ANXA8: variants seen among roughly 807,000 people sequenced by gnomAD.
ANXA8 encodes the protein VAC-beta.
ANXA8 carries 9 observed loss-of-function variants against 26.8 expected under a neutral mutation model. The observed-to-expected ratio is 0.34, with a 90% CI of 0.20 to 0.59. ANXA8 has a LOEUF of 0.59. ANXA8 is among the 20% of genes least tolerant of loss of function. The pLI is 0.84. For missense variants in ANXA8, 83 were observed against 238.5 expected (o/e 0.35, Z 4.29); for synonymous variants, 39 against 94.8 (o/e 0.41, Z 3.42).
At chr10:47,958,953 T>C in the ANXA8 span, among the ~76,000 whole-genome samples, 1 of 150,262 alleles carries the variant, frequency 6.7e-6, no homozygotes, top group East Asian at 2.0e-4. Context: ...TAATTCAAGA[T>C]GAGGTTTTGG....
chr10:47,972,960 G>A, the ANXA8 span, among the ~76,000 whole-genome samples: 1 of 149,850 alleles, frequency 6.7e-6, no homozygotes, highest in East Asian at 1.9e-4. Flanking sequence ...GGTGTGGGAT[G>A]TGCTCCTTCC....
At chr10:47,690,253 G>T in the ANXA8 span, 4 of 1,190,164 alleles carry the variant, frequency 3.4e-6, no homozygotes, top group Non-Finnish European at 4.9e-6. Flanking sequence ...TTGGTTTGTA[G>T]TACTGAAAAA....
chr10:47,572,172 G>A, the ANXA8 span, among the ~76,000 whole-genome samples: 6 of 134,988 alleles, frequency 4.4e-5, no homozygotes, highest in African/African-American at 1.8e-4. Flanking sequence ...GGAATGAGTT[G>A]AGGAGTGTTC....
chr10:47,659,894 G>T, the ANXA8 span, among the ~76,000 whole-genome samples: 1 of 151,418 alleles, frequency 6.6e-6, no homozygotes, highest in Non-Finnish European at 1.5e-5. Context: ...GTAGCTGGGA[G>T]TAGAGGTGTG....
At chr10:47,666,691 T>A in the ANXA8 span, among the ~76,000 whole-genome samples, 1 of 151,826 alleles carries the variant, frequency 6.6e-6, no homozygotes, top group Non-Finnish European at 1.5e-5. Context: ...TTATTTCCCA[T>A]ATTCCATACT....
chr10:47,559,705 G>A, the ANXA8 span, among the ~76,000 whole-genome samples: 3 of 100,408 alleles, frequency 3.0e-5, no homozygotes, highest in Non-Finnish European at 6.5e-5. Context: ...AATTAAAAAC[G>A]TGTGTATCAC....
the ANXA8 span, among the ~76,000 whole-genome samples, chr10:47,535,164 G>A: frequency 1.8e-4 from 24 of 132,080 alleles, 3 homozygotes; most frequent in Admixed American, 1.6e-3. Flanking sequence ...AGTAGAGACA[G>A]GGTTTCACCA....
the ANXA8 span, among the ~76,000 whole-genome samples, chr10:47,762,055 A>G: frequency 1.5e-5 from 2 of 130,614 alleles, no homozygotes; most frequent in Non-Finnish European, 3.3e-5. Flanking sequence ...CAGTTAAGGA[A>G]AGCCCTGAAA....
At chr10:47,589,892 AGATAGATAGAT>A in the ANXA8 span, among the ~76,000 whole-genome samples, 114 of 129,102 alleles carry the variant, frequency 8.8e-4, 11 homozygotes, top group African/African-American at 4.1e-3. Flanking sequence ...GGAAGGGGAA[AGATAGATAGAT>A]GATAGATAGA....
the ANXA8 span, among the ~76,000 whole-genome samples, chr10:47,670,173 A>G: frequency 2.6e-4 from 39 of 152,056 alleles, no homozygotes; most frequent in African/African-American, 8.2e-4. Context: ...CATCTATGGT[A>G]TAGCATAGAT....
the ANXA8 span, among the ~76,000 whole-genome samples, chr10:47,899,002 T>A: frequency 6.7e-6 from 1 of 150,062 alleles, no homozygotes; most frequent in Non-Finnish European, 1.5e-5. Context: ...ATCAGCTAAT[T>A]TTTGTATTTT....
At chr10:47,492,276 AG>A in the ANXA8 span, among the ~76,000 whole-genome samples, 27 of 148,206 alleles carry the variant, frequency 1.8e-4, no homozygotes, top group East Asian at 6.4e-3. Flanking sequence ...CCCGAGTCAG[AG>A]GGGGGCACAG....
chr10:47,626,810 G>A, the ANXA8 span, among the ~76,000 whole-genome samples: 2 of 150,258 alleles, frequency 1.3e-5, no homozygotes, highest in Admixed American at 6.6e-5. Context: ...GTAATCAGAG[G>A]AAGGAAGAGA....
At chr10:47,622,423 G>A in the ANXA8 span, among the ~76,000 whole-genome samples, 2 of 103,198 alleles carry the variant, frequency 1.9e-5, 1 homozygote, top group Non-Finnish European at 4.1e-5. Flanking sequence ...TCTGAAATCT[G>A]AAATCTGAGT....
the ANXA8 span, among the ~76,000 whole-genome samples, chr10:47,633,852 ACCC>A: frequency 6.7e-6 from 1 of 148,890 alleles, no homozygotes; most frequent in East Asian, 1.9e-4. Flanking sequence ...AATGTTTTTC[ACCC>A]AGTTAATGTA....
At chr10:47,576,612 G>C in the ANXA8 span, among the ~76,000 whole-genome samples, 4 of 151,608 alleles carry the variant, frequency 2.6e-5, no homozygotes, top group South Asian at 4.2e-4. Flanking sequence ...TATAGCACCA[G>C]CTATAGTCAG....
chr10:47,552,836 T>A, the ANXA8 span, among the ~76,000 whole-genome samples: 1 of 151,888 alleles, frequency 6.6e-6, no homozygotes, highest in Middle Eastern at 3.2e-3. Flanking sequence ...TGCTAGCCAC[T>A]GTGCCAGAAA....
the ANXA8 span, among the ~76,000 whole-genome samples, chr10:47,705,608 AATG>A: frequency 1.4e-5 from 2 of 147,670 alleles, no homozygotes; most frequent in Admixed American, 6.8e-5. Flanking sequence ...GTTTTTGTAG[AATG>A]ATGTGAAAAA....
chr10:47,657,235 T>A, the ANXA8 span, among the ~76,000 whole-genome samples: 176 of 151,812 alleles, frequency 1.2e-3, 1 homozygote, highest in East Asian at 0.031. Flanking sequence ...CTGTAATTTG[T>A]TTTTTAAATT....
Sources: gnomAD v4.1 joint callset for allele counts (sites outside exome capture counted in the v4.1 genomes callset) on GRCh38, gnomAD v4.1.1 for gene constraint, MANE v1.5 for transcripts, NCBI Gene and HGNC (gene_info 2026-07-23, HGNC 2026-07-21) for gene names.